The following COG6 variants were observed in gnomAD, a reference collection of about 807,000 sequenced individuals.
COG6 encodes the protein conserved oligomeric Golgi complex subunit 6.
In COG6, 74 loss-of-function variants were observed where a neutral mutation model predicts 88.8. The observed-to-expected ratio is 0.83, with a 90% CI of 0.69 to 1.01. COG6 has a LOEUF of 1.01. COG6 is among the 50% of genes least tolerant of loss of function. The pLI is 0.00. For missense variants in COG6, 800 were observed against 797.9 expected (o/e 1.00, Z -0.03); for synonymous variants, 286 against 278.7 (o/e 1.03, Z -0.26).
intron 8 of COG6, among the ~76,000 whole-genome samples, chr13:39,685,385 T>C (rs1484302849): frequency 6.6e-6 from 1 of 152,170 alleles, no homozygotes; most frequent in Admixed American, 6.5e-5. Flanking sequence ...CTTTAAATTA[T>C]ATTTGTTCTA....
chr13:39,677,002 A>T (rs1456066366), intron 4 of COG6, among the ~76,000 whole-genome samples: 2 of 152,246 alleles, frequency 1.3e-5, no homozygotes, highest in Non-Finnish European at 2.9e-5. Context: ...GAGTTCTTCT[A>T]TAACATAAAA....
At chr13:39,747,403 G>A (rs1880402790) in intron 18 of COG6, among the ~76,000 whole-genome samples, 1 of 152,102 alleles carries the variant, frequency 6.6e-6, no homozygotes, top group Admixed American at 6.6e-5. Flanking sequence ...CAGTTAGCAG[G>A]CCAGGAGGAG....
At chr13:39,777,658 C>T (rs1233333263) in intron 18 of COG6, among the ~76,000 whole-genome samples, 1 of 152,154 alleles carries the variant, frequency 6.6e-6, no homozygotes, top group Non-Finnish European at 1.5e-5. Context: ...GTGTTGCAAT[C>T]GCAGAGTCAG....
At chr13:39,709,613 T>A (rs1347883684) in intron 13 of COG6, among the ~76,000 whole-genome samples, 1 of 152,188 alleles carries the variant, frequency 6.6e-6, no homozygotes, top group Non-Finnish European at 1.5e-5. Flanking sequence ...AGAAATGATT[T>A]CATTCTTTTT....
intron 18 of COG6, among the ~76,000 whole-genome samples, chr13:39,745,161 C>G (rs1373987083): frequency 2.0e-5 from 3 of 152,154 alleles, no homozygotes; most frequent in Non-Finnish European, 2.9e-5. Flanking sequence ...TAGCCAATAC[C>G]ATTCAGGGCA....
In COG6 at chr13:39,701,749, C is replaced by T. The variant is rs1375874332; in HGVS notation, c.1284+2131C>T. Among the ~76,000 whole-genome samples, 4 of 151,658 alleles carry T rather than the reference C, an allele frequency of 2.6e-5. No individual in the cohort carries two copies. In the East Asian group the frequency reaches 5.8e-4, roughly 22 times the overall value. Reference sequence around the variant, plus strand: ...TGGAGATAGGAGCCAGGTTGTAGTACGTAGAAAAGTTCATGGGTAAGCATA... The same window carrying T: ...TGGAGATAGGAGCCAGGTTGTAGTATGTAGAAAAGTTCATGGGTAAGCATA... On this transcript the variant is annotated intron_variant, in intron 13 of 18. Transcript: ENST00000455146.
intron 18 of COG6, among the ~76,000 whole-genome samples, chr13:39,771,322 A>G (rs1222031609): frequency 1.3e-5 from 2 of 152,220 alleles, no homozygotes; most frequent in African/African-American, 2.4e-5. Flanking sequence ...ATTTCCAAGC[A>G]CTTCTTCGTC....
At chr13:39,726,835 A>G (rs544318137) in intron 17 of COG6, among the ~76,000 whole-genome samples, 217 of 152,116 alleles carry the variant, frequency 1.4e-3, no homozygotes, top group African/African-American at 4.7e-3. Context: ...CATCTTTAAG[A>G]TTTCACTTCA....
At chr13:39,700,892 C>T (rs10507481) in intron 13 of COG6, among the ~76,000 whole-genome samples, 9,171 of 151,746 alleles carry the variant, frequency 0.06, 379 homozygotes, top group Non-Finnish European at 0.094. Context: ...AACAGGTAGG[C>T]TTTAGATAGG....
chr13:39,689,075 T>A (rs1330789718), intron 10 of COG6, among the ~76,000 whole-genome samples: 2 of 152,230 alleles, frequency 1.3e-5, no homozygotes, highest in Non-Finnish European at 2.9e-5. Flanking sequence ...CTCTTTCTGT[T>A]ATTATTCTCC....
intron 18 of COG6, among the ~76,000 whole-genome samples, chr13:39,736,788 A>C (rs1879770439): frequency 6.6e-6 from 1 of 152,168 alleles, no homozygotes; most frequent in African/African-American, 2.4e-5. Context: ...TCTGTCTGAA[A>C]GGTCACATAT....
At chr13:39,770,436 A>G (rs953304534) in intron 18 of COG6, among the ~76,000 whole-genome samples, 1 of 152,148 alleles carries the variant, frequency 6.6e-6, no homozygotes, top group Non-Finnish European at 1.5e-5. Context: ...TTCTCATTCA[A>G]TTTTTACAGA....
At chr13:39,728,965 T>C (rs974591338) in intron 18 of COG6, among the ~76,000 whole-genome samples, 1 of 152,208 alleles carries the variant, frequency 6.6e-6, no homozygotes, top group African/African-American at 2.4e-5. Context: ...GCCCGGCCAA[T>C]GTGCTTCTTA....
chr13:39,747,650 GATTTT>G (rs953681505), intron 18 of COG6, among the ~76,000 whole-genome samples: 7 of 152,016 alleles, frequency 4.6e-5, no homozygotes, highest in African/African-American at 1.7e-4. Context: ...TAACTGGCTT[GATTTT>G]ATTTAATTAT....
intron 18 of COG6, among the ~76,000 whole-genome samples, chr13:39,786,572 A>G (rs1881779590): frequency 6.6e-6 from 1 of 152,122 alleles, no homozygotes; most frequent in African/African-American, 2.4e-5. Context: ...GCAGAGAGAA[A>G]ATGGTACTCA....
chr13:39,687,523 G>T lies in COG6; in HGVS notation c.809G>T (p.Gly270Val). ...VLYKYTLDEF[G>V]TARRSTVVRG... is the part of the protein sequence containing the mutation. ...TCTAGATATACCTTAGATGAATTTG[G>T]AACAGCCAGAAGAAGTACAGTTGTT... The change falls in exon 9 of 19, where the codon GGA becomes GTA. Residue 270 changes from glycine (G) to valine (V), a missense_variant. By Grantham distance (109) the Gly-to-Val change is moderately radical. Transcript: ENST00000455146. 1.9e-6 allele frequency: 3 copies of T among 1,613,212 alleles called. No individual in the cohort carries two copies. Among genetic ancestry groups the T allele is most frequent in the Non-Finnish European group, 2.5e-6 (3 of 1,179,598 alleles).
At chr13:39,758,694 G>A (rs1303269539) in intron 18 of COG6, among the ~76,000 whole-genome samples, 1 of 152,124 alleles carries the variant, frequency 6.6e-6, no homozygotes, top group Non-Finnish European at 1.5e-5. Context: ...CCTCAAAAGA[G>A]TTATGATATG....
intron 13 of COG6, among the ~76,000 whole-genome samples, chr13:39,702,347 T>A (rs1486495544): frequency 6.6e-6 from 1 of 151,918 alleles, no homozygotes; most frequent in Admixed American, 6.6e-5. Context: ...TTAAAGATAG[T>A]CAGTAGTGGA....
At position 39,779,741 on chromosome 13, in the gene COG6, C is replaced by A. The variant is rs551847781; in HGVS notation, c.1827-8594C>A. Among the ~76,000 whole-genome samples, 10 of 152,252 alleles carry A rather than the reference C, an allele frequency of 6.6e-5. 1 individual carries two copies. The South Asian group carries it at 2.1e-3, about 32-fold the overall frequency. ...CCAGGGTTCTGTCCTAAAGTCACCT[C>A]AGAAAGCTGTGTCTCTGACATCACA... On this transcript the variant is annotated intron_variant, in intron 18 of 18. Coordinates refer to the COG6 transcript ENST00000416691.
Sources: allele counts gnomAD v4.1 joint callset (sites outside exome capture counted in the v4.1 genomes callset), GRCh38; gene constraint gnomAD v4.1.1; transcripts MANE v1.5; gene names NCBI Gene and HGNC (gene_info 2026-07-23, HGNC 2026-07-21).